Variants in NRXN1 observed in about 807,000 individuals in gnomAD.
NRXN1 encodes neurexin 1, also known as neurexin-1.
A neutral mutation model predicts 150.9 loss-of-function variants in NRXN1; 39 were observed. That is an observed-to-expected ratio of 0.26 (90% confidence interval 0.20 to 0.34). The LOEUF is 0.34. NRXN1 is among the 10% of genes least tolerant of loss of function. The pLI, the probability that NRXN1 is intolerant of heterozygous loss-of-function variation, is 1.00. For synonymous variants in NRXN1, 924 were observed against 757.0 expected (o/e 1.22, Z -3.62); for missense variants, 1,815 against 1,949.9 (o/e 0.93, Z 1.30).
At chr2:50,393,442 G>C (rs1029803529) in intron 17 of NRXN1, among the ~76,000 whole-genome samples, 8 of 152,044 alleles carry the variant, frequency 5.3e-5, no homozygotes, top group Admixed American at 6.6e-5. Context: ...TTACAGGATA[G>C]TGTGCTGTTT....
intron 16 of NRXN1, among the ~76,000 whole-genome samples, chr2:50,470,969 A>G (rs1199885746): frequency 6.6e-6 from 1 of 151,876 alleles, no homozygotes; most frequent in Non-Finnish European, 1.5e-5. Context: ...TTGCTAAAAC[A>G]GACTGAAAAT....
chr2:50,293,922 G>T (rs574666318), intron 17 of NRXN1, among the ~76,000 whole-genome samples: 1 of 152,134 alleles, frequency 6.6e-6, no homozygotes, highest in Non-Finnish European at 1.5e-5. Flanking sequence ...TAACCTAAAT[G>T]GGTCTCTTCA....
chr2:50,680,897 T>G (rs1690282371), intron 5 of NRXN1, among the ~76,000 whole-genome samples: 1 of 152,144 alleles, frequency 6.6e-6, no homozygotes, highest in South Asian at 2.1e-4. Flanking sequence ...AGGCAAGCAT[T>G]GAGACCTGCC....
intron 19 of NRXN1, among the ~76,000 whole-genome samples, chr2:50,065,339 A>C (rs948522810): frequency 5.3e-5 from 8 of 152,082 alleles, no homozygotes; most frequent in African/African-American, 1.7e-4. Flanking sequence ...GATAAAGCTG[A>C]CTCGAAAGTT....
Position 50,231,221 on chromosome 2 carries a change from T to A in NRXN1, c.3546+5568A>T, listed in dbSNP as rs566410538. On this transcript the variant is annotated intron_variant, in intron 18 of 22. Coordinates refer to ENST00000401669, the MANE Select transcript of NRXN1 (RefSeq NM_001330078.2). Reference sequence around the variant, plus strand: ...AAGAGTATTTCAAATGGAACATAATTTCTATTCAAGGAAAACCCTGAGGGG... The same window carrying A: ...AAGAGTATTTCAAATGGAACATAATATCTATTCAAGGAAAACCCTGAGGGG... Among the ~76,000 whole-genome samples, 11 of 111,920 alleles carry A rather than the reference T, an allele frequency of 9.8e-5. No homozygotes were observed. In the South Asian group the frequency reaches 1.3e-3, roughly 14 times the overall value. The allele number at this position is 111,920 out of a possible 152,430, so 73.4% of individuals were successfully genotyped here. A position where few individuals can be genotyped will look rare whatever the true frequency, so the allele number is the denominator to read the frequency against.
intron 5 of NRXN1, among the ~76,000 whole-genome samples, chr2:50,689,838 G>GT (rs897391915): frequency 6.9e-4 from 99 of 143,198 alleles, no homozygotes; most frequent in African/African-American, 1.4e-3. Flanking sequence ...CCATCAGCTT[G>GT]TTTTTTTTTG....
In NRXN1 at chr2:50,552,467, T is replaced by C; in HGVS notation, c.1759+120A>G. The C allele has an allele frequency of 8.1e-6, 6 of 738,196 alleles. No individual in the cohort carries two copies. The South Asian group carries it at 1.1e-4, about 13-fold the overall frequency. The allele number at this position is 738,196 out of a possible 1,614,324, so 45.7% of individuals were successfully genotyped here. ...ACAGAAGCAATATCAGGCAATTTCT[T>C]TTAGGCTAAAGAAACAAATGCAGGA... On this transcript the variant is annotated intron_variant, in intron 9 of 22. Transcript: ENST00000401669.
chr2:49,994,649 C>A (rs1365093125), intron 21 of NRXN1, among the ~76,000 whole-genome samples: 1 of 152,116 alleles, frequency 6.6e-6, no homozygotes, highest in Non-Finnish European at 1.5e-5. Context: ...GGAACTACTT[C>A]AAGGAAACAA....
intron 8 of NRXN1, among the ~76,000 whole-genome samples, chr2:50,597,701 T>G (rs1675466969): frequency 6.6e-6 from 1 of 152,196 alleles, no homozygotes; most frequent in Admixed American, 6.5e-5. Flanking sequence ...CAAAAATAGG[T>G]TTTCTTGTTT....
In NRXN1 at chr2:50,243,090, T is replaced by C. The variant is rs535829999; in HGVS notation, c.3365-6120A>G. On this transcript the variant is annotated intron_variant, in intron 17 of 22. Transcript: ENST00000401669. ...ACGGTTAGATAGGAAGAATGAGTTC[T>C]GGTGTTCTGTTGCACAGTAGGGTGA... 1.2e-3 allele frequency among the ~76,000 whole-genome samples: 175 copies of C among 151,940 alleles called. 2 individuals are homozygous for C. The highest frequency in any genetic ancestry group is 3.3e-3 in the Admixed American group (50 of 15,180).
intron 17 of NRXN1, among the ~76,000 whole-genome samples, chr2:50,261,325 G>A (rs182417605): frequency 2.4e-4 from 36 of 151,918 alleles, no homozygotes; most frequent in African/African-American, 8.2e-4. Flanking sequence ...CTTAACAAGT[G>A]TATATAACAA....
intron 5 of NRXN1, among the ~76,000 whole-genome samples, chr2:50,808,258 G>A (rs1345793900): frequency 2.0e-5 from 3 of 152,024 alleles, no homozygotes; most frequent in Non-Finnish European, 4.4e-5. Context: ...TATGGATAAA[G>A]AAGCAATGAA....
chr2:50,613,860 C>T (rs1489990412), intron 8 of NRXN1, among the ~76,000 whole-genome samples: 1 of 152,124 alleles, frequency 6.6e-6, no homozygotes, highest in East Asian at 1.9e-4. Flanking sequence ...ATGGCGTGAA[C>T]CCAGGTGGCG....
chr2:50,145,628 G>A (rs1194527474), intron 18 of NRXN1, among the ~76,000 whole-genome samples: 3 of 151,554 alleles, frequency 2.0e-5, no homozygotes, highest in Non-Finnish European at 3.0e-5. Context: ...TTTTAGCTGC[G>A]TAGGCTCTTA....
chr2:50,508,621 T>C (rs912212130), intron 12 of NRXN1, among the ~76,000 whole-genome samples: 5 of 152,270 alleles, frequency 3.3e-5, no homozygotes, highest in African/African-American at 1.2e-4. Flanking sequence ...TCTATTCTTT[T>C]CTTTTTTAAA....
intron 17 of NRXN1, among the ~76,000 whole-genome samples, chr2:50,322,632 T>C (rs1019654975): frequency 6.6e-6 from 1 of 152,226 alleles, no homozygotes; most frequent in East Asian, 1.9e-4. Context: ...TACGCATTCA[T>C]TCCTTGCCTT....
At chr2:50,910,178 C>T (rs1295739483) in intron 5 of NRXN1, among the ~76,000 whole-genome samples, 1 of 151,956 alleles carries the variant, frequency 6.6e-6, no homozygotes, top group Non-Finnish European at 1.5e-5. Context: ...CAAAGGATAA[C>T]TGTCTTTGAC....
At chr2:50,991,324 A>G (rs1698506462) in intron 2 of NRXN1, among the ~76,000 whole-genome samples, 1 of 152,002 alleles carries the variant, frequency 6.6e-6, no homozygotes, top group South Asian at 2.1e-4. Flanking sequence ...TTTTCTGCAA[A>G]GGTGACCTCC....
intron 2 of NRXN1, among the ~76,000 whole-genome samples, chr2:50,939,503 T>C (rs1256022781): frequency 1.3e-5 from 2 of 152,110 alleles, no homozygotes; most frequent in South Asian, 4.1e-4. Context: ...TTGGATAGGA[T>C]GCAAATATTG....
Sources: allele counts gnomAD v4.1 joint callset (sites outside exome capture counted in the v4.1 genomes callset), GRCh38; gene constraint gnomAD v4.1.1; transcripts MANE v1.5; gene names NCBI Gene and HGNC (gene_info 2026-07-23, HGNC 2026-07-21).